Variants in CASZ1 observed in about 807,000 individuals in gnomAD.
CASZ1 encodes the protein castor zinc finger 1.
Under a neutral mutation model 135.2 loss-of-function variants are expected in CASZ1, and 28 were observed. The ratio of observed to expected loss-of-function variants is 0.21; its 90% CI spans 0.15 to 0.28. CASZ1 has a LOEUF of 0.28. CASZ1 is among the 10% of genes least tolerant of loss of function. CASZ1 has a pLI of 1.00. For missense variants in CASZ1, 2,161 were observed against 2,453.3 expected (o/e 0.88, Z 2.52); for synonymous variants, 1,068 against 1,073.4 (o/e 0.99, Z 0.10).
intron 1 of CASZ1, among the ~76,000 whole-genome samples, chr1:10,779,512 C>T (rs1640724407): frequency 6.6e-6 from 1 of 152,174 alleles, no homozygotes; most frequent in East Asian, 1.9e-4. Flanking sequence ...GCCAGGGCTC[C>T]CTGCCGGGCC....
intron 3 of CASZ1, 47 bp from the exon 4 acceptor site, chr1:10,693,959 G>A: frequency 1.3e-6 from 2 of 1,578,534 alleles, no homozygotes; most frequent in South Asian, 1.1e-5. Context: ...AGAAACACGG[G>A]GTTAGCGTCT....
intron 1 of CASZ1, among the ~76,000 whole-genome samples, chr1:10,792,953 G>A (rs1341120015): frequency 1.3e-5 from 2 of 152,032 alleles, no homozygotes; most frequent in African/African-American, 4.8e-5. Flanking sequence ...CAGATGGTCA[G>A]GATCTAAAAG....
Position 10,698,525 on chromosome 1 carries a change from A to T in CASZ1, c.-23-4613T>A, listed in dbSNP as rs1248363040. Reference sequence around the variant, plus strand: ...CTCCAATGCTAAATTGAAACCAAAAAAATTGCACATCCTTATATTTCAGAG... The same window carrying T: ...CTCCAATGCTAAATTGAAACCAAAATAATTGCACATCCTTATATTTCAGAG... On this transcript the variant is annotated intron_variant, in intron 3 of 20. Transcript: ENST00000377022. 5.3e-5 allele frequency among the ~76,000 whole-genome samples: 8 copies of T among 151,688 alleles called. No individual in the cohort carries two copies. The South Asian group carries it at 1.7e-3, about 31-fold the overall frequency.
chr1:10,731,163 G>A (rs1570534718), intron 2 of CASZ1, among the ~76,000 whole-genome samples: 1 of 152,248 alleles, frequency 6.6e-6, no homozygotes, highest in South Asian at 2.1e-4. Flanking sequence ...ATTCCTCAGT[G>A]AGCCAGTATT....
intron 1 of CASZ1, among the ~76,000 whole-genome samples, chr1:10,786,597 G>A (rs1191373077): frequency 1.3e-5 from 2 of 152,150 alleles, no homozygotes; most frequent in East Asian, 1.9e-4. Flanking sequence ...GTCTTAGCTC[G>A]TGTAACCCTC....
intron 2 of CASZ1, among the ~76,000 whole-genome samples, chr1:10,710,253 C>T (rs1204507693): frequency 6.6e-6 from 1 of 152,190 alleles, no homozygotes; most frequent in Non-Finnish European, 1.5e-5. Context: ...CAGTCAGGGC[C>T]TCAAGTCCTT....
rs535670471 is a variant in CASZ1, at chr1:10,651,147, C to T, written c.2681-71G>A. 9.0e-4 allele frequency: 1,176 copies of T among 1,313,330 alleles called. 2 individuals are homozygous for T. Among genetic ancestry groups the T allele is most frequent in the Middle Eastern group, 1.6e-3 (6 of 3,648 alleles). The allele number at this position is 1,313,330 out of a possible 1,614,324, so 81.4% of individuals were successfully genotyped here. A position where few individuals can be genotyped will look rare whatever the true frequency, so the allele number is the denominator to read the frequency against. On this transcript the variant is annotated intron_variant, in intron 11 of 20. Coordinates refer to ENST00000377022, the MANE Select transcript of CASZ1 (RefSeq NM_001079843.3). The stretch of plus-strand genomic sequence containing the variant: ...GGCCCGGGCACAGACAGCCGCCGTG[C>T]CCCCTGGAGGGAGGGCAGTGGGCTG...
intron 1 of CASZ1, among the ~76,000 whole-genome samples, chr1:10,791,107 T>C (rs1233851381): frequency 2.9e-5 from 4 of 139,468 alleles, no homozygotes. Context: ...AGTTGAAAAA[T>C]CCAAGTGTTA....
At chr1:10,749,212 T>C (rs1640103560) in intron 2 of CASZ1, among the ~76,000 whole-genome samples, 1 of 151,934 alleles carries the variant, frequency 6.6e-6, no homozygotes, top group African/African-American at 2.4e-5. Flanking sequence ...TGCAACCACA[T>C]GGCGGCTTCA....
chr1:10,671,589 C>T (rs1274099141), intron 4 of CASZ1, among the ~76,000 whole-genome samples: 2 of 152,178 alleles, frequency 1.3e-5, no homozygotes, highest in African/African-American at 4.8e-5. Flanking sequence ...TGGTCCCCTC[C>T]CCTCTCTGTG....
At position 10,688,571 on chromosome 1, in the gene CASZ1, G is replaced by A. The variant is rs115483168; in HGVS notation, c.16+5303C>T. Among the ~76,000 whole-genome samples, 780 of 152,314 alleles carry A rather than the reference G, an allele frequency of 5.1e-3. 10 individuals are homozygous for A. The highest frequency in any genetic ancestry group is 0.018 in the African/African-American group (735 of 41,572). ...CCTGGCTCCTCGGCCTGGTGGGACA[G>A]CAGACCGCTCCTCTCCCTCCACTAG... On this transcript the variant is annotated intron_variant, in intron 4 of 20. Coordinates refer to ENST00000377022, the MANE Select transcript of CASZ1 (RefSeq NM_001079843.3).
In CASZ1 at chr1:10,648,048, G is replaced by A; in HGVS notation, c.3250C>T (p.Pro1084Ser). 1 of 1,600,976 alleles carries A rather than the reference G, an allele frequency of 6.2e-7. No homozygotes were observed. ...ACAGGAGGGACCGGAGGGGACGAGG[G>A]GGCCATGGGAGGTTTGGTCTCGGCG... ...SAAETKPPMA[P>S]SSPPVPPVTT... The change falls in exon 16 of 21, where the codon CCC (proline) becomes TCC (serine). Residue 1084 changes from proline (P) to serine (S), a missense_variant. By Grantham distance (74) the Pro-to-Ser change is moderately conservative. Around this residue, in one of 7 missense-constraint regions of CASZ1, gnomAD observed 349 missense variants for 460.8 expected, o/e 0.76. Transcript: ENST00000377022.
Position 10,694,415 on chromosome 1 carries a change from C to A in CASZ1, c.-23-503G>T. Reference sequence around the variant, plus strand: ...ACAAGTTGTTTTAAAGCCCTGATGTCATTGCTCCTGCCGGTAACACTCAGG... The same window carrying A: ...ACAAGTTGTTTTAAAGCCCTGATGTAATTGCTCCTGCCGGTAACACTCAGG... On this transcript the variant is annotated intron_variant, in intron 3 of 20. Coordinates refer to ENST00000377022, the MANE Select transcript of CASZ1 (RefSeq NM_001079843.3). The surrounding 1 kb of genome is among the most constrained non-coding windows in gnomAD (Gnocchi z 6.6). The A allele has an allele frequency of 3.0e-6, 2 of 660,980 alleles. No individual in the cohort carries two copies. The allele number at this position is 660,980 out of a possible 1,614,324, so 40.9% of individuals were successfully genotyped here. A position where few individuals can be genotyped will look rare whatever the true frequency, so the allele number is the denominator to read the frequency against.
intron 2 of CASZ1, among the ~76,000 whole-genome samples, chr1:10,710,739 C>A (rs1355353655): frequency 1.3e-5 from 2 of 152,246 alleles, no homozygotes; most frequent in Admixed American, 1.3e-4. Flanking sequence ...TCAAGTGACC[C>A]TAGATCTCTC....
chr1:10,675,427 T>A (rs1643536156), intron 4 of CASZ1, among the ~76,000 whole-genome samples: 1 of 151,910 alleles, frequency 6.6e-6, no homozygotes, highest in South Asian at 2.1e-4. Flanking sequence ...GTGGGCACAG[T>A]GCGAGCAGGC....
intron 4 of CASZ1, among the ~76,000 whole-genome samples, chr1:10,692,903 G>C (rs1348271518): frequency 1.3e-5 from 2 of 152,260 alleles, no homozygotes; most frequent in Admixed American, 1.3e-4. Context: ...ATGAATGATC[G>C]GGCTGCTTGT....
At chr1:10,792,239 T>C (rs932272939) in intron 1 of CASZ1, among the ~76,000 whole-genome samples, 7 of 142,914 alleles carry the variant, frequency 4.9e-5, no homozygotes, top group Admixed American at 3.6e-4. Flanking sequence ...TTTTTAAGTG[T>C]GCTCTTATTT....
chr1:10,643,453 G>T (rs189952178), intron 18 of CASZ1, 142 bp from the exon 19 acceptor site: 2 of 916,360 alleles, frequency 2.2e-6, no homozygotes, highest in South Asian at 1.7e-5. Context: ...CTGAGCCGAG[G>T]TGGCAGTCTT....
At chr1:10,779,006 A>G (rs1017427670) in intron 1 of CASZ1, among the ~76,000 whole-genome samples, 1 of 152,232 alleles carries the variant, frequency 6.6e-6, no homozygotes, top group Non-Finnish European at 1.5e-5. Flanking sequence ...GACCACTGCA[A>G]GAAGCGAAGG....
Sources: gnomAD v4.1 joint callset for allele counts (sites outside exome capture counted in the v4.1 genomes callset) on GRCh38, gnomAD v4.1.1 for gene constraint, gnomAD v4.1.1 regional missense constraint, Gnocchi (gnomAD v3.1) non-coding constraint, MANE v1.5 for transcripts, NCBI Gene and HGNC (gene_info 2026-07-23, HGNC 2026-07-21) for gene names.